BBS9: variants seen among roughly 807,000 people sequenced by gnomAD.
The protein encoded by BBS9 is protein PTHB1.
BBS9 carries 89 observed loss-of-function variants against 117.7 expected under a neutral mutation model. That is an observed-to-expected ratio of 0.76 (90% confidence interval 0.64 to 0.90). The LOEUF (loss-of-function observed/expected upper bound fraction) is 0.90. Among genes scored for constraint, BBS9 ranks in the 40% least tolerant of loss-of-function variants. The pLI, the probability that BBS9 is intolerant of heterozygous loss-of-function variation, is 0.00. For missense variants in BBS9, 982 were observed against 1,042.2 expected (o/e 0.94, Z 0.80); for synonymous variants, 379 against 370.9 (o/e 1.02, Z -0.25).
At chr7:33,581,536 A>G (rs1173700027) in intron 21 of BBS9, among the ~76,000 whole-genome samples, 2 of 152,188 alleles carry the variant, frequency 1.3e-5, no homozygotes, top group Non-Finnish European at 2.9e-5. Flanking sequence ...GACTTTGGCT[A>G]GATCTACTTA....
intron 4 of BBS9, among the ~76,000 whole-genome samples, chr7:33,172,961 T>G (rs1244585070): frequency 6.6e-6 from 1 of 152,198 alleles, no homozygotes; most frequent in East Asian, 1.9e-4. Flanking sequence ...CAGGCAGACA[T>G]CCTTAAAAAT....
chr7:33,207,599 T>C, intron 5 of BBS9, among the ~76,000 whole-genome samples: 1 of 152,024 alleles, frequency 6.6e-6, no homozygotes, highest in Non-Finnish European at 1.5e-5. Context: ...CAGGCTAATC[T>C]GATACCTATC....
At chr7:33,530,901 G>A (rs1462756861) in intron 20 of BBS9, among the ~76,000 whole-genome samples, 2 of 152,198 alleles carry the variant, frequency 1.3e-5, no homozygotes, top group Non-Finnish European at 2.9e-5. Context: ...ATGGCAATCA[G>A]TGGGAAGTTC....
At chr7:33,307,170 A>T (rs1808197448) in intron 9 of BBS9, among the ~76,000 whole-genome samples, 1 of 152,294 alleles carries the variant, frequency 6.6e-6, no homozygotes, top group South Asian at 2.1e-4. Context: ...TTGTGTATAT[A>T]CAGTAACAAA....
intron 19 of BBS9, among the ~76,000 whole-genome samples, chr7:33,461,585 C>G (rs1839476709): frequency 6.6e-6 from 1 of 151,870 alleles, no homozygotes. Flanking sequence ...AGACAACTAG[C>G]TCTTCCCTAA....
At chr7:33,332,594 T>C (rs1814336056) in intron 9 of BBS9, among the ~76,000 whole-genome samples, 1 of 152,064 alleles carries the variant, frequency 6.6e-6, no homozygotes, top group Non-Finnish European at 1.5e-5. Context: ...GGAGAATCGC[T>C]TGAACCCGGG....
chr7:33,578,356 G>T (rs58412842), intron 21 of BBS9, among the ~76,000 whole-genome samples: 2,866 of 152,262 alleles, frequency 0.019, 89 homozygotes, highest in African/African-American at 0.065. Flanking sequence ...TCCCTACAAG[G>T]CAGGACACTC....
At position 33,186,551 on chromosome 7, in the gene BBS9, T is replaced by C. The variant is rs140034800; in HGVS notation, c.442+8960T>C. ...CATATCTTTGATTCTTCATAGATTA[T>C]GGGAAATATGTTAACTTCTGGGTCG... On this transcript the variant is annotated intron_variant, in intron 5 of 22. Transcript: ENST00000242067. Among the ~76,000 whole-genome samples the C allele has an allele frequency of 5.1e-4, 77 of 152,350 alleles. No homozygotes were observed. The East Asian group carries it at 0.015, about 29-fold the overall frequency.
In BBS9 at chr7:33,511,495, T is replaced by C. The variant is rs184044439; in HGVS notation, c.2298+5850T>C. Reference sequence around the variant, plus strand: ...AGCACATTGTATAGCATTATGCCTGTTTCTTTTCTTTTAAAGTACGTTCAA... The same window carrying C: ...AGCACATTGTATAGCATTATGCCTGCTTCTTTTCTTTTAAAGTACGTTCAA... On this transcript the variant is annotated intron_variant, in intron 20 of 22. Transcript: ENST00000242067. Among the ~76,000 whole-genome samples the C allele has an allele frequency of 2.1e-3, 324 of 152,294 alleles. 7 individuals carry two copies. In the South Asian group the frequency reaches 0.046, roughly 21 times the overall value.
At chr7:33,386,261 G>A (rs556089217) in intron 18 of BBS9, among the ~76,000 whole-genome samples, 1 of 152,162 alleles carries the variant, frequency 6.6e-6, no homozygotes, top group East Asian at 1.9e-4. Context: ...ATTGTAGAAT[G>A]CATGCACTGA....
At chr7:33,545,774 C>G (rs987116781) in intron 21 of BBS9, among the ~76,000 whole-genome samples, 41 of 152,008 alleles carry the variant, frequency 2.7e-4, no homozygotes, top group African/African-American at 9.9e-4. Flanking sequence ...ATAAATCCAA[C>G]TATTATTCAA....
chr7:33,625,720 C>T (rs1235237632), intron 21 of BBS9, among the ~76,000 whole-genome samples: 1 of 152,140 alleles, frequency 6.6e-6, no homozygotes, highest in Non-Finnish European at 1.5e-5. Context: ...ATCCAATTCT[C>T]CTACTTAGGT....
At chr7:33,338,557 T>G (rs929310065) in intron 10 of BBS9, among the ~76,000 whole-genome samples, 2 of 152,202 alleles carry the variant, frequency 1.3e-5, no homozygotes, top group Non-Finnish European at 2.9e-5. Flanking sequence ...CAGCAAAATT[T>G]AAAGCCAGTT....
chr7:33,415,382 T>G (rs1010655186), intron 19 of BBS9, among the ~76,000 whole-genome samples: 1 of 151,954 alleles, frequency 6.6e-6, no homozygotes, highest in Non-Finnish European at 1.5e-5. Context: ...ACAAACTAGA[T>G]GAAAATACTT....
intron 19 of BBS9, among the ~76,000 whole-genome samples, chr7:33,400,427 T>C (rs1356609816): frequency 6.6e-6 from 1 of 152,210 alleles, no homozygotes; most frequent in Non-Finnish European, 1.5e-5. Flanking sequence ...TCTATCTTCC[T>C]GTTTAATCCC....
intron 5 of BBS9, among the ~76,000 whole-genome samples, chr7:33,209,757 G>A (rs903416801): frequency 6.6e-6 from 1 of 151,930 alleles, no homozygotes; most frequent in African/African-American, 2.4e-5. Flanking sequence ...TTTCCTCTCT[G>A]ATTTTATTTA....
chr7:33,288,702 A>C (rs531726970), intron 9 of BBS9, among the ~76,000 whole-genome samples: 15 of 152,198 alleles, frequency 9.9e-5, no homozygotes, highest in Non-Finnish European at 2.1e-4. Flanking sequence ...ATGAGCATAC[A>C]TTTATTGGCT....
At chr7:33,412,563 G>T (rs147896034) in intron 19 of BBS9, among the ~76,000 whole-genome samples, 1 of 152,300 alleles carries the variant, frequency 6.6e-6, no homozygotes, top group Non-Finnish European at 1.5e-5. Flanking sequence ...AGTCATTGCA[G>T]CTGCTGTGGA....
intron 21 of BBS9, among the ~76,000 whole-genome samples, chr7:33,535,413 G>T (rs1055421817): frequency 1.3e-5 from 2 of 152,120 alleles, no homozygotes; most frequent in Non-Finnish European, 2.9e-5. Flanking sequence ...AAAATAGCTG[G>T]TTTGGGGTTA....
Sources: gnomAD v4.1 joint callset for allele counts (sites outside exome capture counted in the v4.1 genomes callset) on GRCh38, gnomAD v4.1.1 for gene constraint, MANE v1.5 for transcripts, NCBI Gene and HGNC (gene_info 2026-07-23, HGNC 2026-07-21) for gene names.